ZNF507: variants seen among roughly 807,000 people sequenced by gnomAD.
The protein encoded by ZNF507 is zinc finger protein 507.
Under a neutral mutation model 80.0 loss-of-function variants are expected in ZNF507, and 29 were observed. That is an observed-to-expected ratio of 0.36 (90% CI 0.27 to 0.49). The LOEUF (loss-of-function observed/expected upper bound fraction) is 0.49, where lower values mean the gene tolerates loss of function less well. Among genes scored for constraint, ZNF507 ranks in the 20% least tolerant of loss-of-function variants. The pLI is 0.98. For missense variants in ZNF507, 1,081 were observed against 1,152.2 expected (o/e 0.94, Z 0.90); for synonymous variants, 462 against 422.5 (o/e 1.09, Z -1.15).
At position 32,386,413 on chromosome 19, in the gene ZNF507, CTAAG is replaced by C. The variant is rs1193768438; in HGVS notation, c.*3334_*3337del. ...TTTTTAAATTGTACAGCAAGGTGCTCTAAGTAATATTCGATAAAATATATTTAAT... is the reference window on the plus strand; with the variant it reads ...TTTTTAAATTGTACAGCAAGGTGCTCTAATATTCGATAAAATATATTTAAT... On this transcript the variant is annotated 3_prime_UTR_variant, in exon 7 of 7. Transcript: ENST00000355898. The C allele has an allele frequency of 9.2e-5, 14 of 152,380 alleles. No individual in the cohort carries two copies. Among genetic ancestry groups the C allele is most frequent in the East Asian group, 3.9e-4 (2 of 5,192 alleles). The allele number at this position is 152,380 out of a possible 1,614,324, so 9.4% of individuals were successfully genotyped here.
intron 5 of ZNF507, among the ~76,000 whole-genome samples, chr19:32,377,699 C>G (rs556786097): frequency 2.6e-5 from 4 of 152,268 alleles, no homozygotes; most frequent in South Asian, 2.1e-4. Flanking sequence ...ACACCCCATG[C>G]AAAAGAATTC....
At chr19:32,361,798 T>G (rs1206775553) in intron 5 of ZNF507, among the ~76,000 whole-genome samples, 2 of 142,996 alleles carry the variant, frequency 1.4e-5, no homozygotes, top group Non-Finnish European at 3.1e-5. Flanking sequence ...TTCCTTCCTT[T>G]CCTTCCTTCG....
rs1476847264 is a variant in ZNF507, at chr19:32,354,556, G to A, written c.1726G>A (p.Asp576Asn). The change falls in exon 3 of 7, where the codon GAT (aspartate) becomes AAT (asparagine). Residue 576 changes from aspartate to asparagine, a missense_variant. By Grantham distance (23) the Asp-to-Asn change is conservative (BLOSUM62 1). This residue lies in a region of ZNF507 where 614 missense variants were observed against 583.9 expected (regional missense o/e 1.05). Coordinates refer to ENST00000355898, the MANE Select transcript of ZNF507 (RefSeq NM_001136156.2). ...ALPEGRQELS[D>N]GQVKTGISMS... The stretch of plus-strand genomic sequence containing the variant: ...CCCAGAGGGTAGGCAGGAATTGTCA[G>A]ATGGGCAGGTTAAGACAGGCATCAG... The A allele has an allele frequency of 3.7e-6, 6 of 1,614,068 alleles. No homozygotes were observed. The highest frequency in any genetic ancestry group is 5.1e-6 in the Non-Finnish European group (6 of 1,180,046).
intron 5 of ZNF507, among the ~76,000 whole-genome samples, chr19:32,362,337 T>C (rs542659889): frequency 6.6e-6 from 1 of 152,324 alleles, no homozygotes; most frequent in Admixed American, 6.5e-5. Flanking sequence ...AATTTAGACA[T>C]ACCGTGCCAG....
chr19:32,379,352 G>A lies in ZNF507; in HGVS notation c.2361-3115G>A, dbSNP rs543443671. ...ACCAAGAATAAAATGTAGTGATTTT[G>A]TTTTATTATGCCAGCTGTAATAAAG... is the stretch of plus-strand genomic sequence containing the variant. On this transcript the variant is annotated intron_variant, in intron 5 of 6. Transcript: ENST00000355898. Among the ~76,000 whole-genome samples, 196 of 152,282 alleles carry A rather than the reference G, an allele frequency of 1.3e-3. 1 individual carries two copies. The highest frequency in any genetic ancestry group is 2.2e-3 in the Non-Finnish European group (149 of 67,998).
chr19:32,369,323 C>T (rs1290610829), intron 5 of ZNF507, among the ~76,000 whole-genome samples: 1 of 152,156 alleles, frequency 6.6e-6, no homozygotes, highest in Non-Finnish European at 1.5e-5. Flanking sequence ...CTTCTTTCCC[C>T]ATGTCATGTG....
In ZNF507 at chr19:32,375,096, T is replaced by TA. The variant is rs61039468; in HGVS notation, c.2361-7357dup. 1.3e-3 allele frequency among the ~76,000 whole-genome samples: 190 copies of TA among 143,112 alleles called. 1 individual carries two copies. The highest frequency in any genetic ancestry group is 6.4e-3 in the East Asian group (32 of 4,994). The allele number at this position is 143,112 out of a possible 152,430, so 93.9% of individuals were successfully genotyped here. A position where few individuals can be genotyped will look rare whatever the true frequency, so the allele number is the denominator to read the frequency against. ...CAGCTATACCCATGGAGTATATTTG[T>TA]AAAAAAAAAAAAAATTAAATATGAC... On this transcript the variant is annotated intron_variant, in intron 5 of 6. Transcript: ENST00000355898.
rs1466021641 is a variant in ZNF507, at chr19:32,386,834, A to C, written c.*3751A>C. The C allele has an allele frequency of 6.6e-6, 1 of 152,582 alleles. No homozygotes were observed. Among genetic ancestry groups the C allele is most frequent in the African/African-American group, 2.4e-5 (1 of 41,434 alleles). 9.5% of individuals were successfully genotyped at this position (152,582 alleles called of 1,614,324 possible). A position where few individuals can be genotyped will look rare whatever the true frequency, so the allele number is the denominator to read the frequency against. On this transcript the variant is annotated 3_prime_UTR_variant, in exon 7 of 7. Coordinates refer to ENST00000355898, the MANE Select transcript of ZNF507 (RefSeq NM_001136156.2). ...ACTTTAATATTGTATTTTGGTAATA[A>C]ATTTTTTGTTAAAAAAAACTTGGCT... is the stretch of plus-strand genomic sequence containing the variant.
chr19:32,365,424 A>G (rs887536641), intron 5 of ZNF507, among the ~76,000 whole-genome samples: 1 of 152,210 alleles, frequency 6.6e-6, no homozygotes, highest in Non-Finnish European at 1.5e-5. Flanking sequence ...CAGTGTCTAG[A>G]AGGGTTTTTC....
chr19:32,375,046 C>T (rs536048663), intron 5 of ZNF507, among the ~76,000 whole-genome samples: 6 of 152,026 alleles, frequency 3.9e-5, no homozygotes, highest in African/African-American at 1.4e-4. Flanking sequence ...TTAAGTGCCT[C>T]CTGAGTATGG....
chr19:32,360,107 T>G (rs1302357560), intron 4 of ZNF507, among the ~76,000 whole-genome samples: 2 of 152,226 alleles, frequency 1.3e-5, no homozygotes, highest in Admixed American at 1.3e-4. Context: ...AATTACAGCT[T>G]GTTGTCAAGT....
chr19:32,368,777 G>A (rs556043861), intron 5 of ZNF507, among the ~76,000 whole-genome samples: 35 of 152,306 alleles, frequency 2.3e-4, no homozygotes, highest in African/African-American at 7.9e-4. Flanking sequence ...TTTTGTGGGG[G>A]CCTTAGTTAT....
chr19:32,358,619 A>G (rs887728083), intron 4 of ZNF507: 14 of 152,226 alleles, frequency 9.2e-5, no homozygotes, highest in African/African-American at 2.7e-4. Context: ...GCCCTTTCGT[A>G]TGGTGTTACT....
intron 5 of ZNF507, among the ~76,000 whole-genome samples, chr19:32,367,553 T>A (rs757469437): frequency 6.6e-6 from 1 of 152,218 alleles, no homozygotes; most frequent in African/African-American, 2.4e-5. Context: ...ATCTTTTTCT[T>A]TGTGTTTAGG....
In ZNF507 at chr19:32,353,968, T is replaced by G; in HGVS notation, c.1138T>G (p.Ser380Ala). ...TCTGATTCCTGATAGCCTGCTTACA[T>G]CAGCACAGAAAATCATCAGCAGCAG... ...ENLIPDSLLT[S>A]AQKIISSSPN... The change falls in exon 3 of 7, where the codon TCA (serine) becomes GCA (alanine). Residue 380 changes from serine to alanine, a missense_variant. Physicochemically the swap from Ser to Ala is moderately conservative, Grantham distance 99 (BLOSUM62 1). Transcript: ENST00000355898. 1 of 1,614,160 alleles carries G rather than the reference T, an allele frequency of 6.2e-7. No homozygotes were observed. Among genetic ancestry groups the G allele is most frequent in the Non-Finnish European group, 8.5e-7 (1 of 1,180,030 alleles).
intron 5 of ZNF507, among the ~76,000 whole-genome samples, chr19:32,366,273 A>C (rs970183676): frequency 6.6e-6 from 1 of 152,234 alleles, no homozygotes; most frequent in Non-Finnish European, 1.5e-5. Flanking sequence ...TCATAAAGGT[A>C]CAGCTGATGA....
At chr19:32,364,014 C>T (rs1319696990) in intron 5 of ZNF507, among the ~76,000 whole-genome samples, 1 of 152,136 alleles carries the variant, frequency 6.6e-6, no homozygotes, top group East Asian at 1.9e-4. Context: ...ATACGAAACT[C>T]GGGAGAATAC....
chr19:32,373,530 G>A (rs551953286), intron 5 of ZNF507, among the ~76,000 whole-genome samples: 21 of 152,302 alleles, frequency 1.4e-4, no homozygotes, highest in African/African-American at 2.2e-4. Context: ...TTTGGCAAGT[G>A]GTCAGTTGTC....
chr19:32,366,649 T>G (rs183858860), intron 5 of ZNF507, among the ~76,000 whole-genome samples: 183 of 152,376 alleles, frequency 1.2e-3, no homozygotes, highest in Non-Finnish European at 2.0e-3. Context: ...CTCCCTGATA[T>G]GATCTGATAC....
Sources: allele counts gnomAD v4.1 joint callset (sites outside exome capture counted in the v4.1 genomes callset), GRCh38; gene constraint gnomAD v4.1.1; regional missense constraint gnomAD v4.1.1; transcripts MANE v1.5; gene names NCBI Gene and HGNC (gene_info 2026-07-23, HGNC 2026-07-21).